Variants in PER3 observed in about 807,000 individuals in gnomAD.
The protein encoded by PER3 is period circadian regulator 3.
In PER3, 107 loss-of-function variants were observed where a neutral mutation model predicts 127.2. The observed-to-expected ratio is 0.84, with a 90% CI of 0.72 to 0.99. The LOEUF is 0.99. Ranked by LOEUF, PER3 falls within the 50% of genes least tolerant of loss-of-function variation. The probability of loss-of-function intolerance (pLI) is 0.00; values close to 1 mark genes in which losing one functional copy is unlikely to be tolerated. For synonymous variants in PER3, 618 were observed against 585.8 expected (o/e 1.05, Z -0.79); for missense variants, 1,560 against 1,525.8 (o/e 1.02, Z -0.37).
Position 7,827,827 on chromosome 1 carries a change from T to G in PER3, c.2886+12T>G, listed in dbSNP as rs577956824. Reference sequence around the variant, plus strand: ...CACAAACTGAGTATGTAAGTGATGCTCATTTTCAACACTCAAGTGAGAAAG... The same window carrying G: ...CACAAACTGAGTATGTAAGTGATGCGCATTTTCAACACTCAAGTGAGAAAG... On this transcript the variant is annotated intron_variant, in intron 18 of 21. Transcript: ENST00000377532. The G allele has an allele frequency of 6.3e-7, 1 of 1,580,940 alleles. No individual in the cohort carries two copies. Among genetic ancestry groups the G allele is most frequent in the Non-Finnish European group, 8.6e-7 (1 of 1,156,088 alleles).
intron 1 of PER3, 111 bp from the exon 2 acceptor site, chr1:7,784,543 A>C: frequency 2.8e-5 from 5 of 179,796 alleles, no homozygotes; most frequent in Non-Finnish European, 4.6e-5. Flanking sequence ...CGCGCGGGAA[A>C]GTTGGGGCAG....
Position 7,844,184 on chromosome 1 carries a change from G to T in PER3, c.*1429G>T, listed in dbSNP as rs574355697. ...CCATGATGACCATCCTCATAGCTCA[G>T]ATCTCCTTTCAAAGTAGTGGCTTTC... On this transcript the variant is annotated 3_prime_UTR_variant, in exon 22 of 22. Transcript: ENST00000377532. The T allele has an allele frequency of 9.7e-5, 19 of 196,592 alleles. 1 individual carries two copies. In the South Asian group the frequency reaches 1.4e-3, roughly 15 times the overall value. The allele number at this position is 196,592 out of a possible 1,614,324, so 12.2% of individuals were successfully genotyped here. A position where few individuals can be genotyped will look rare whatever the true frequency, so the allele number is the denominator to read the frequency against.
At chr1:7,834,540 C>CAT (rs1353750139) in intron 19 of PER3, among the ~76,000 whole-genome samples, 1 of 152,138 alleles carries the variant, frequency 6.6e-6, no homozygotes, top group Non-Finnish European at 1.5e-5. Flanking sequence ...ACTGTAGCCT[C>CAT]AAACTCCTGG....
chr1:7,842,363 G>A (rs564929584), intron 21 of PER3, among the ~76,000 whole-genome samples: 34 of 152,062 alleles, frequency 2.2e-4, no homozygotes, highest in Middle Eastern at 3.4e-3. Context: ...AGCTGGGCGC[G>A]GTGGTGGGCA....
intron 13 of PER3, among the ~76,000 whole-genome samples, chr1:7,818,650 C>T (rs754072839): frequency 8.5e-5 from 13 of 152,218 alleles, no homozygotes; most frequent in Non-Finnish European, 1.6e-4. Flanking sequence ...ACTACTACAT[C>T]TACAATGGTG....
chr1:7,803,814 AT>A lies in PER3; in HGVS notation c.1105del (p.Ser369LeufsTer14). The A allele has an allele frequency of 6.2e-7, 1 of 1,613,890 alleles. No homozygotes were observed. Among genetic ancestry groups the A allele is most frequent in the Non-Finnish European group, 8.5e-7 (1 of 1,179,872 alleles). On this transcript the variant is annotated frameshift_variant, in exon 10 of 22. Coordinates refer to ENST00000377532, the MANE Select transcript of PER3 (RefSeq NM_001377275.1). LOFTEE classifies it high-confidence loss of function. ...SSFVNPWSRK[I>X]SFIIGRHKVR... ...CTTTGTGAATCCCTGGAGCCGGAAG[AT>A]TTCTTTCATCATTGGTCGGCATAAA...
In PER3 at chr1:7,820,746, A is replaced by G. The variant is rs1028964426; in HGVS notation, c.1957+106A>G. 8.2e-6 allele frequency: 7 copies of G among 855,562 alleles called. No individual in the cohort carries two copies. The African/African-American group carries it at 1.2e-4, about 15-fold the overall frequency. The allele number at this position is 855,562 out of a possible 1,614,324, so 53.0% of individuals were successfully genotyped here. A position where few individuals can be genotyped will look rare whatever the true frequency, so the allele number is the denominator to read the frequency against. On this transcript the variant is annotated intron_variant, in intron 16 of 21. Coordinates refer to ENST00000377532, the MANE Select transcript of PER3 (RefSeq NM_001377275.1). ...TTCGCTCGGTTGTAACTTCTAAACT[A>G]CACATATTTTTTCCTTTCTTTAGTT...
chr1:7,787,390 T>A, intron 4 of PER3: 1 of 328,048 alleles, frequency 3.0e-6, no homozygotes. Context: ...ACATAATTGT[T>A]ACTTAAAGAT....
chr1:7,804,853 A>G (rs1436954555), intron 10 of PER3, among the ~76,000 whole-genome samples: 1 of 144,216 alleles, frequency 6.9e-6, no homozygotes, highest in Non-Finnish European at 1.5e-5. Context: ...CCCTACCCCT[A>G]GGCCCTTGAA....
intron 18 of PER3, 34 bp downstream of exon 18, chr1:7,827,849 A>G (rs769446009): frequency 4.0e-6 from 6 of 1,509,356 alleles, no homozygotes; most frequent in Non-Finnish European, 5.5e-6. Flanking sequence ...CTCAAGTGAG[A>G]AAGTGAATAT....
intron 16 of PER3, among the ~76,000 whole-genome samples, chr1:7,825,353 TAGATAAA>T (rs1270802296): frequency 6.6e-6 from 1 of 152,174 alleles, no homozygotes; most frequent in Non-Finnish European, 1.5e-5. Context: ...ATATCAATAA[TAGATAAA>T]AAAGAGGCAA....
intron 3 of PER3, among the ~76,000 whole-genome samples, chr1:7,785,874 T>C (rs2097086612): frequency 1.3e-5 from 2 of 152,224 alleles, no homozygotes; most frequent in Admixed American, 1.3e-4. Context: ...GCTGACCTTT[T>C]AAAGAAATAT....
At chr1:7,819,551 G>T in intron 14 of PER3, 131 bp downstream of exon 14, 1 of 781,328 alleles carries the variant, frequency 1.3e-6, no homozygotes. Context: ...GACGTTTATG[G>T]CGTGCCTAAC....
chr1:7,829,397 T>C (rs1376831019), intron 18 of PER3, among the ~76,000 whole-genome samples: 1 of 152,216 alleles, frequency 6.6e-6, no homozygotes, highest in African/African-American at 2.4e-5. Flanking sequence ...CTTTCCTTCT[T>C]GAGAACTTCC....
intron 16 of PER3, among the ~76,000 whole-genome samples, chr1:7,825,703 C>T (rs1341327610): frequency 6.6e-6 from 1 of 152,116 alleles, no homozygotes; most frequent in Non-Finnish European, 1.5e-5. Flanking sequence ...ACCAGCCTGG[C>T]CAACACGGTG....
Position 7,784,644 on chromosome 1 carries a change from C to T in PER3, c.-224-10C>T. The T allele has an allele frequency of 2.3e-6, 1 of 426,506 alleles. No individual in the cohort carries two copies. Among genetic ancestry groups the T allele is most frequent in the Non-Finnish European group, 4.1e-6 (1 of 243,120 alleles). 26.4% of individuals were successfully genotyped at this position (426,506 alleles called of 1,614,324 possible). ...ATTTGTCCCTTGTCACCCTTGTCTC[C>T]TCCCCCTAGGCCGGAGTCCTGAAAG... On this transcript the variant is annotated splice_polypyrimidine_tract_variant and intron_variant, in intron 1 of 21. Transcript: ENST00000377532.
At position 7,803,989 on chromosome 1, in the gene PER3, T is replaced by C. The variant is rs868705028; in HGVS notation, c.1136+141T>C. 9 of 652,948 alleles carry C rather than the reference T, an allele frequency of 1.4e-5. No homozygotes were observed. In the South Asian group the frequency reaches 1.8e-4, roughly 13 times the overall value. 40.4% of individuals were successfully genotyped at this position (652,948 alleles called of 1,614,324 possible). ...GTTTTCGGTGCTTTGGGGAGACAGT[T>C]TGACAGTGTGTACCGTGAGCCTTAA... is the stretch of plus-strand genomic sequence containing the variant. On this transcript the variant is annotated intron_variant, in intron 10 of 21. Coordinates refer to ENST00000377532, the MANE Select transcript of PER3 (RefSeq NM_001377275.1).
chr1:7,810,219 TG>T, intron 12 of PER3, 198 bp downstream of exon 12: 1 of 650,708 alleles, frequency 1.5e-6, no homozygotes, highest in Admixed American at 3.2e-5. Flanking sequence ...TTGAATTAAT[TG>T]TATGCGTTCT....
chr1:7,820,221 G>A lies in PER3; in HGVS notation c.1765G>A (p.Asp589Asn), dbSNP rs2097269807. The A allele has an allele frequency of 2.5e-6, 4 of 1,613,858 alleles. No homozygotes were observed. The East Asian group carries it at 6.7e-5, about 27-fold the overall frequency. The change falls in exon 15 of 22, where the codon GAT (aspartate) becomes AAT (asparagine). Residue 589 changes from aspartate to asparagine, a missense_variant. Physicochemically the swap from Asp to Asn is conservative, Grantham distance 23. Coordinates refer to ENST00000377532, the MANE Select transcript of PER3 (RefSeq NM_001377275.1). Reference sequence around the variant, plus strand: ...AGACAAACAGAACCACAAGGCAGATGATGTCCAAGCCTTACAAGGTAACAA... The same window carrying A: ...AGACAAACAGAACCACAAGGCAGATAATGTCCAAGCCTTACAAGGTAACAA... Reference protein sequence around the residue: ...EEDKQNHKADDVQALQAGLQI... With the variant: ...EEDKQNHKADNVQALQAGLQI...
Sources: gnomAD v4.1 joint callset for allele counts (sites outside exome capture counted in the v4.1 genomes callset) on GRCh38, gnomAD v4.1.1 for gene constraint, MANE v1.5 for transcripts, NCBI Gene and HGNC (gene_info 2026-07-23, HGNC 2026-07-21) for gene names.